The following PSMC1 variants were observed in gnomAD, a reference collection of about 807,000 sequenced individuals.
PSMC1 encodes 26S proteasome regulatory subunit 4.
PSMC1 carries 5 observed loss-of-function variants against 49.8 expected under a neutral mutation model. That is an observed-to-expected ratio of 0.10 (90% CI 0.05 to 0.21). PSMC1 has a LOEUF of 0.21. Ranked by LOEUF, PSMC1 falls within the 10% of genes least tolerant of loss-of-function variation. PSMC1 has a pLI of 1.00. For missense variants in PSMC1, 181 were observed against 535.7 expected, an observed-to-expected ratio of 0.34 and a Z score of 6.54; for synonymous variants, 155 against 192.1, an observed-to-expected ratio of 0.81 and a Z score of 1.60.
chr14:90,259,868 C>A (rs1225082843), intron 2 of PSMC1, among the ~76,000 whole-genome samples: 1 of 151,978 alleles, frequency 6.6e-6, no homozygotes, highest in South Asian at 2.1e-4. Context: ...GTGATCCTCC[C>A]GCCTCAGCCT....
Position 90,273,812 on chromosome 14 carries a change from C to CCT in PSMC1, c.*1407_*1408dup, listed in dbSNP as rs1325702332. ...GCCTTTGCCAGTCTGTGAAGGCCAC[C>CCT]CTCCCTCCTGACTCGTGGCACTTCA... On this transcript the variant is annotated 3_prime_UTR_variant, in exon 11 of 11. Coordinates refer to ENST00000261303, the MANE Select transcript of PSMC1 (RefSeq NM_002802.3). 9 of 154,768 alleles carry CCT rather than the reference C, an allele frequency of 5.8e-5. No individual in the cohort carries two copies. The highest frequency in any genetic ancestry group is 2.2e-4 in the African/African-American group (9 of 41,622). The allele number at this position is 154,768 out of a possible 1,614,324, so 9.6% of individuals were successfully genotyped here.
intron 9 of PSMC1, chr14:90,269,766 G>C: frequency 2.2e-6 from 1 of 455,046 alleles, no homozygotes; most frequent in Admixed American, 3.9e-5. Flanking sequence ...CTTATGTCTT[G>C]TCTTTTCTTT....
At chr14:90,268,482 A>G (rs11624246) in intron 8 of PSMC1, 69 bp downstream of exon 8, 570,505 of 1,474,068 alleles carry the variant, frequency 0.39, 114,421 homozygotes, top group East Asian at 0.52. Context: ...CTTGAGAATG[A>G]GCAATCTCAG....
At chr14:90,258,615 A>G (rs1182540901) in intron 1 of PSMC1, among the ~76,000 whole-genome samples, 2 of 152,220 alleles carry the variant, frequency 1.3e-5, no homozygotes, top group Non-Finnish European at 2.9e-5. Context: ...GAGAAGAAAG[A>G]CCTGCCCCAG....
At chr14:90,268,075 G>C in intron 7 of PSMC1, 149 bp from the exon 8 acceptor site, 6 of 601,286 alleles carry the variant, frequency 1.0e-5, no homozygotes, top group South Asian at 2.2e-5. Flanking sequence ...TAGGAGAATG[G>C]AATGTCGTGA....
chr14:90,265,295 C>T (rs1891482669), intron 7 of PSMC1, 129 bp downstream of exon 7: 1 of 592,618 alleles, frequency 1.7e-6, no homozygotes, highest in Non-Finnish European at 2.9e-6. Flanking sequence ...GGCTGCTCAA[C>T]CTTGTCTGCA....
At chr14:90,265,412 C>T (rs187298286) in intron 7 of PSMC1, among the ~76,000 whole-genome samples, 3 of 150,608 alleles carry the variant, frequency 2.0e-5, no homozygotes, top group Admixed American at 6.6e-5. Flanking sequence ...TGGGCGTGGC[C>T]GGGCGCAGTG....
intron 5 of PSMC1, 72 bp downstream of exon 5, chr14:90,263,919 C>T: frequency 6.3e-7 from 1 of 1,594,798 alleles, no homozygotes; most frequent in African/African-American, 1.3e-5. Context: ...TCTTCCTGTC[C>T]CGTGGAAGTA....
chr14:90,259,352 A>G, intron 2 of PSMC1, 139 bp downstream of exon 2: 1 of 654,398 alleles, frequency 1.5e-6, no homozygotes, highest in South Asian at 2.3e-5. Flanking sequence ...TGTCCTACAG[A>G]TACAATAAAT....
At chr14:90,266,375 GAC>G (rs2139648068) in intron 7 of PSMC1, among the ~76,000 whole-genome samples, 1 of 152,322 alleles carries the variant, frequency 6.6e-6, no homozygotes, top group African/African-American at 2.4e-5. Context: ...TGAGAGAATT[GAC>G]AGTGTTCCTA....
At chr14:90,260,300 G>A in intron 3 of PSMC1, 89 bp downstream of exon 3, 1 of 859,920 alleles carries the variant, frequency 1.2e-6, no homozygotes, top group East Asian at 2.5e-5. Context: ...AGGGGTAACA[G>A]GAAGTAGAGG....
Position 90,263,656 on chromosome 14 carries a change from A to T in PSMC1, c.280-6A>T. 1 of 1,612,718 alleles carries T rather than the reference A, an allele frequency of 6.2e-7. No individual in the cohort carries two copies. The highest frequency in any genetic ancestry group is 1.1e-5 in the South Asian group (1 of 91,046). ...TGCTTTTTTCCCTTGGCATTTTCAT[A>T]TGTAGGAGGAAAGATCAAAAGTGGA... On this transcript the variant is annotated splice_region_variant and splice_polypyrimidine_tract_variant and intron_variant, in intron 4 of 10. Coordinates refer to ENST00000261303, the MANE Select transcript of PSMC1 (RefSeq NM_002802.3).
chr14:90,261,834 T>C (rs1891404217), intron 3 of PSMC1, among the ~76,000 whole-genome samples: 1 of 149,526 alleles, frequency 6.7e-6, no homozygotes, highest in Non-Finnish European at 1.5e-5. Context: ...ATCAAGCTGC[T>C]ATAAAGACCC....
At chr14:90,262,487 A>G (rs375756441) in intron 3 of PSMC1, among the ~76,000 whole-genome samples, 8 of 152,292 alleles carry the variant, frequency 5.3e-5, no homozygotes, top group African/African-American at 1.9e-4. Flanking sequence ...CCCAGAAACC[A>G]TAAGAGAAAA....
rs770360900 is a variant in PSMC1 at position 90,265,070 on chromosome 14, G to C, written c.595G>C (p.Glu199Gln). 2 of 1,604,336 alleles carry C rather than the reference G, an allele frequency of 1.2e-6. No individual in the cohort carries two copies. The highest frequency in any genetic ancestry group is 1.7e-6 in the Non-Finnish European group (2 of 1,172,442). ...GLDNQIQEIKESVELPLTHPE... is the reference protein window; with the variant it reads ...GLDNQIQEIKQSVELPLTHPE... The stretch of plus-strand genomic sequence containing the variant: ...CTTTCATTCATACTGTTTTTCATAG[G>C]AATCTGTGGAGCTTCCTCTCACCCA... The change falls in exon 7 of 11, where the codon GAA (glutamate) becomes CAA (glutamine). Residue 199 changes from glutamate (E) to glutamine (Q), a missense_variant and splice_region_variant. This residue lies in a region of PSMC1 where 121 missense variants were observed against 358.6 expected (regional missense o/e 0.34). Coordinates refer to ENST00000261303, the MANE Select transcript of PSMC1 (RefSeq NM_002802.3).
At chr14:90,271,813 A>G (rs1027099578) in intron 10 of PSMC1, 1 of 153,088 alleles carries the variant, frequency 6.5e-6, no homozygotes, top group African/African-American at 2.4e-5. Flanking sequence ...TGCTTAAAAC[A>G]TTTTTTTTAA....
At chr14:90,259,264 A>T in intron 2 of PSMC1, 51 bp downstream of exon 2, 1 of 1,572,260 alleles carries the variant, frequency 6.4e-7, no homozygotes, top group Non-Finnish European at 8.7e-7. Flanking sequence ...GGAAAATGTC[A>T]TGGGTCTCGG....
At chr14:90,263,272 A>C (rs953178659) in intron 3 of PSMC1, 46 bp from the exon 4 acceptor site, 1 of 1,545,392 alleles carries the variant, frequency 6.5e-7, no homozygotes, top group Non-Finnish European at 8.7e-7. Flanking sequence ...CCTTACTTGC[A>C]AACTTCAGGG....
At position 90,270,192 on chromosome 14, in the gene PSMC1, C is replaced by T. The variant is rs765756207; in HGVS notation, c.1034-6C>T. 1.9e-6 allele frequency: 3 copies of T among 1,613,414 alleles called. No homozygotes were observed. The highest frequency in any genetic ancestry group is 2.5e-6 in the Non-Finnish European group (3 of 1,179,572). On this transcript the variant is annotated splice_region_variant and splice_polypyrimidine_tract_variant and intron_variant, in intron 9 of 10. Coordinates refer to ENST00000261303, the MANE Select transcript of PSMC1 (RefSeq NM_002802.3). ...GGTGTGACTTCAAATCTCTTTGTAC[C>T]TGCAGGCCGCATTGACAGGAAGATT...
Sources: gnomAD v4.1 joint callset for allele counts (sites outside exome capture counted in the v4.1 genomes callset) on GRCh38, gnomAD v4.1.1 for gene constraint, gnomAD v4.1.1 regional missense constraint, MANE v1.5 for transcripts, NCBI Gene and HGNC (gene_info 2026-07-23, HGNC 2026-07-21) for gene names.